Variants in MARCHF3 observed in about 807,000 individuals in gnomAD.
The protein encoded by MARCHF3 is membrane associated ring-CH-type finger 3, also known as E3 ubiquitin-protein ligase MARCHF3.
Under a neutral mutation model 24.2 loss-of-function variants are expected in MARCHF3, and 13 were observed. The ratio of observed to expected loss-of-function variants is 0.54; its 90% confidence interval spans 0.35 to 0.85. The LOEUF (loss-of-function observed/expected upper bound fraction) is 0.85, where lower values mean the gene tolerates loss of function less well. MARCHF3 is among the 40% of genes least tolerant of loss of function. The pLI, the probability that MARCHF3 is intolerant of heterozygous loss-of-function variation, is 0.01. For synonymous variants in MARCHF3, 144 were observed against 137.3 expected (o/e 1.05, Z -0.34); for missense variants, 276 against 325.0 (o/e 0.85, Z 1.16).
At chr5:127,003,148 G>A (rs916847001) in intron 1 of MARCHF3, among the ~76,000 whole-genome samples, 5 of 151,850 alleles carry the variant, frequency 3.3e-5, no homozygotes, top group Non-Finnish European at 5.9e-5. Flanking sequence ...AAAAAGCTCA[G>A]AGGTGGAAGC....
intron 1 of MARCHF3, among the ~76,000 whole-genome samples, chr5:126,920,930 T>C (rs1235950589): frequency 6.6e-6 from 1 of 151,990 alleles, no homozygotes; most frequent in African/African-American, 2.4e-5. Context: ...GTTTATTCCA[T>C]TCGTAGTGGG....
At chr5:126,880,334 TA>T (rs1488613619) in intron 3 of MARCHF3, among the ~76,000 whole-genome samples, 1 of 152,056 alleles carries the variant, frequency 6.6e-6, no homozygotes, top group African/African-American at 2.4e-5. Context: ...TGGACACAAA[TA>T]AATATTAAAA....
At chr5:127,014,351 C>G (rs926173541) in intron 1 of MARCHF3, among the ~76,000 whole-genome samples, 26 of 152,186 alleles carry the variant, frequency 1.7e-4, no homozygotes, top group African/African-American at 6.0e-4. Context: ...TTATACACTG[C>G]TGGTGGTAAT....
At chr5:126,995,699 C>G (rs1751928463) in intron 1 of MARCHF3, among the ~76,000 whole-genome samples, 1 of 152,348 alleles carries the variant, frequency 6.6e-6, no homozygotes, top group East Asian at 1.9e-4. Flanking sequence ...CTTTGAATGT[C>G]TGTGACTTGC....
intron 1 of MARCHF3, among the ~76,000 whole-genome samples, chr5:126,934,621 A>C (rs1268840278): frequency 2.0e-5 from 3 of 152,056 alleles, no homozygotes; most frequent in African/African-American, 7.2e-5. Flanking sequence ...ACTTGCACAT[A>C]AATCTCTTTA....
At chr5:126,976,951 T>C (rs1011964459) in intron 1 of MARCHF3, among the ~76,000 whole-genome samples, 2 of 152,344 alleles carry the variant, frequency 1.3e-5, no homozygotes, top group Non-Finnish European at 1.5e-5. Flanking sequence ...CCTAGGAGCT[T>C]TGAAGAGAAA....
chr5:126,998,720 GA>G (rs1191168940), intron 1 of MARCHF3, among the ~76,000 whole-genome samples: 5 of 152,098 alleles, frequency 3.3e-5, no homozygotes, highest in Non-Finnish European at 7.4e-5. Flanking sequence ...ACCAACCTGA[GA>G]AAAGCCATCT....
intron 1 of MARCHF3, among the ~76,000 whole-genome samples, chr5:127,008,790 GGGCCAGACAACCT>G (rs2126855815): frequency 6.6e-6 from 1 of 152,192 alleles, no homozygotes; most frequent in Non-Finnish European, 1.5e-5. Flanking sequence ...GGCAGGCAAC[GGGCCAGACAACCT>G]GGTCCAGTGA....
At chr5:126,896,957 G>A (rs546477695) in intron 3 of MARCHF3, among the ~76,000 whole-genome samples, 31 of 151,928 alleles carry the variant, frequency 2.0e-4, no homozygotes, top group African/African-American at 7.5e-4. Flanking sequence ...CTGAGATACA[G>A]GAAAGGGTAA....
At chr5:126,912,921 C>T (rs1754589398) in intron 3 of MARCHF3, among the ~76,000 whole-genome samples, 1 of 152,204 alleles carries the variant, frequency 6.6e-6, no homozygotes, top group Admixed American at 6.5e-5. Context: ...TCACTGGTGA[C>T]CGTTTGGGTG....
At chr5:126,871,026 T>C (rs1403198225) in intron 4 of MARCHF3, among the ~76,000 whole-genome samples, 2 of 152,204 alleles carry the variant, frequency 1.3e-5, no homozygotes, top group East Asian at 3.9e-4. Context: ...TGGCTTCCTT[T>C]GTTCCTCCTC....
At chr5:127,027,160 G>A (rs770753948) in intron 1 of MARCHF3, among the ~76,000 whole-genome samples, 3 of 152,170 alleles carry the variant, frequency 2.0e-5, no homozygotes, top group Non-Finnish European at 2.9e-5. Flanking sequence ...TCAGTGAAAG[G>A]GGAGGTAGCA....
At chr5:126,996,545 AAAAG>A (rs914634004) in intron 1 of MARCHF3, among the ~76,000 whole-genome samples, 8 of 151,790 alleles carry the variant, frequency 5.3e-5, no homozygotes, top group East Asian at 1.9e-4. Flanking sequence ...GAAAAAAAAA[AAAAG>A]AAAGGGAGAA....
At chr5:127,015,382 G>A (rs1311294093) in intron 1 of MARCHF3, among the ~76,000 whole-genome samples, 1 of 152,136 alleles carries the variant, frequency 6.6e-6, no homozygotes, top group African/African-American at 2.4e-5. Flanking sequence ...CAGGGAGGAG[G>A]GGAAAGTGAA....
chr5:126,986,404 G>A (rs1301065281), intron 1 of MARCHF3, among the ~76,000 whole-genome samples: 2 of 152,120 alleles, frequency 1.3e-5, no homozygotes, highest in African/African-American at 4.8e-5. Flanking sequence ...GCAATTTTTT[G>A]AGCATCTAAT....
At chr5:127,000,167 C>A (rs1420651465) in intron 1 of MARCHF3, among the ~76,000 whole-genome samples, 1 of 151,908 alleles carries the variant, frequency 6.6e-6, no homozygotes, top group Non-Finnish European at 1.5e-5. Context: ...CTATCTCTAG[C>A]CCCCTCCCTT....
At chr5:127,019,920 A>G (rs1467433576) in intron 1 of MARCHF3, among the ~76,000 whole-genome samples, 2 of 152,252 alleles carry the variant, frequency 1.3e-5, no homozygotes, top group Non-Finnish European at 2.9e-5. Context: ...GACAGGAACT[A>G]GGACTCTGAT....
intron 4 of MARCHF3, among the ~76,000 whole-genome samples, chr5:126,875,550 T>C (rs1753119327): frequency 6.6e-6 from 1 of 152,270 alleles, no homozygotes; most frequent in Non-Finnish European, 1.5e-5. Context: ...AGTTTCCAAG[T>C]GCTGTCAGCT....
At chr5:127,023,706 G>C (rs1485721438) in intron 1 of MARCHF3, among the ~76,000 whole-genome samples, 1 of 150,968 alleles carries the variant, frequency 6.6e-6, no homozygotes, top group Non-Finnish European at 1.5e-5. Context: ...ACTCTAGCCT[G>C]GGTGACATAG....
Sources: allele counts gnomAD v4.1 joint callset (sites outside exome capture counted in the v4.1 genomes callset), GRCh38; gene constraint gnomAD v4.1.1; transcripts MANE v1.5; gene names NCBI Gene and HGNC (gene_info 2026-07-23, HGNC 2026-07-21).